The following FRK variants were observed in gnomAD, a reference collection of about 807,000 sequenced individuals.
The protein encoded by FRK is fyn related Src family tyrosine kinase, also known as tyrosine-protein kinase FRK.
FRK carries 51 observed loss-of-function variants against 56.4 expected under a neutral mutation model. The ratio of observed to expected loss-of-function variants is 0.90; its 90% confidence interval spans 0.72 to 1.14. The LOEUF is 1.14. Among genes scored for constraint, FRK ranks in the 50% most tolerant of loss-of-function variants. FRK has a pLI of 0.00. For missense variants in FRK, 570 were observed against 601.4 expected, an observed-to-expected ratio of 0.95 and a Z score of 0.55; for synonymous variants, 245 against 217.9, an observed-to-expected ratio of 1.12 and a Z score of -1.10.
chr6:116,062,615 G>A (rs1399602573), upstream of FRK, among the ~76,000 whole-genome samples: 1 of 152,120 alleles, frequency 6.6e-6, no homozygotes, highest in Admixed American at 6.5e-5. Flanking sequence ...AGGCATTCTG[G>A]AAAAAGACAA....
upstream of FRK, among the ~76,000 whole-genome samples, chr6:116,064,133 T>A (rs1011783353): frequency 2.0e-5 from 3 of 152,250 alleles, no homozygotes; most frequent in African/African-American, 7.2e-5. Context: ...ACACAGGTCC[T>A]GTGACATAGT....
At chr6:116,100,690 C>T in the FRK span, among the ~76,000 whole-genome samples, 1 of 152,140 alleles carries the variant, frequency 6.6e-6, no homozygotes, top group Admixed American at 6.5e-5. Context: ...ACCAGGAGGA[C>T]GCGAGCTGAC....
chr6:116,058,784 G>A (rs910738899), intron 1 of FRK, among the ~76,000 whole-genome samples: 20 of 152,058 alleles, frequency 1.3e-4, no homozygotes, highest in Admixed American at 7.9e-4. Flanking sequence ...GGTGGCAGGC[G>A]CCTGTAGTCC....
At chr6:116,041,548 C>T (rs1402774169) in intron 1 of FRK, among the ~76,000 whole-genome samples, 1 of 152,080 alleles carries the variant, frequency 6.6e-6, no homozygotes, top group Non-Finnish European at 1.5e-5. Context: ...AACTGAGGTA[C>T]CCGGATCATC....
At chr6:116,030,691 C>T (rs1429946276) in intron 1 of FRK, among the ~76,000 whole-genome samples, 1 of 152,132 alleles carries the variant, frequency 6.6e-6, no homozygotes, top group African/African-American at 2.4e-5. Flanking sequence ...CCATACCTCA[C>T]CCTGTGAATC....
chr6:115,968,702 T>C lies in FRK; in HGVS notation c.504A>G (p.Lys168=), dbSNP rs761100858. 1 of 1,613,870 alleles carries C rather than the reference T, an allele frequency of 6.2e-7. No homozygotes were observed. The highest frequency in any genetic ancestry group is 2.2e-5 in the East Asian group (1 of 44,872). The change falls in exon 3 of 8, where the codon AAA becomes AAG. Residue 168 remains lysine (K), a synonymous_variant. Coordinates refer to ENST00000606080, the MANE Select transcript of FRK (RefSeq NM_002031.3). The part of the protein sequence containing the change: ...DGAVVKHYRI[K]RLDEGGFFLT... ...GAAAAAATCCCCCTTCATCCAGTCT[T>C]TTAATTCTGTAGTGTTTTACAACTG...
chr6:115,989,451 A>G (rs560374949), intron 2 of FRK, among the ~76,000 whole-genome samples: 1 of 151,280 alleles, frequency 6.6e-6, no homozygotes, highest in South Asian at 2.1e-4. Flanking sequence ...TTCCCATCCT[A>G]CCCCTTTGTT....
intron 2 of FRK, among the ~76,000 whole-genome samples, chr6:115,996,451 G>C (rs1774844977): frequency 6.6e-6 from 1 of 151,988 alleles, no homozygotes; most frequent in Non-Finnish European, 1.5e-5. Flanking sequence ...AGACATAGAG[G>C]GTCATACTAA....
chr6:115,960,527 C>T (rs1215134342), intron 4 of FRK, among the ~76,000 whole-genome samples: 1 of 146,158 alleles, frequency 6.8e-6, no homozygotes, highest in Non-Finnish European at 1.5e-5. Flanking sequence ...GAAGCTCGAA[C>T]TGGGTGGAGC....
At chr6:116,084,917 G>A in the FRK span, among the ~76,000 whole-genome samples, 1 of 152,140 alleles carries the variant, frequency 6.6e-6, no homozygotes, top group Non-Finnish European at 1.5e-5. Flanking sequence ...TGGCAGTGAA[G>A]GACACAGTGA....
At chr6:115,944,111 A>G in intron 6 of FRK, 133 bp downstream of exon 6, 1 of 628,460 alleles carries the variant, frequency 1.6e-6, no homozygotes, top group Non-Finnish European at 2.6e-6. Context: ...AAGGCTTTGG[A>G]CTACTGAAGT....
chr6:115,993,941 T>C (rs1019305259), intron 2 of FRK, among the ~76,000 whole-genome samples: 1 of 152,040 alleles, frequency 6.6e-6, no homozygotes, highest in Non-Finnish European at 1.5e-5. Flanking sequence ...AGATTTCAAA[T>C]CAAATGATTT....
intron 2 of FRK, 67 bp from the exon 3 acceptor site, chr6:115,968,806 G>A (rs1436945210): frequency 2.9e-6 from 4 of 1,385,508 alleles, no homozygotes; most frequent in East Asian, 2.4e-5. Flanking sequence ...TTTACTTTGT[G>A]GTGACATTTT....
At chr6:116,044,626 C>A (rs1344416859) in intron 1 of FRK, among the ~76,000 whole-genome samples, 3 of 152,156 alleles carry the variant, frequency 2.0e-5, no homozygotes, top group African/African-American at 7.2e-5. Flanking sequence ...CAGCCAATAT[C>A]ATACTGAACG....
intron 1 of FRK, among the ~76,000 whole-genome samples, chr6:116,035,985 G>C (rs1024448930): frequency 1.3e-5 from 2 of 151,562 alleles, no homozygotes; most frequent in Non-Finnish European, 2.9e-5. Context: ...CTCTTCATCT[G>C]GCTCTCTTTC....
intron 2 of FRK, among the ~76,000 whole-genome samples, chr6:115,976,135 C>G (rs552789974): frequency 7.5e-4 from 114 of 152,216 alleles, no homozygotes; most frequent in Non-Finnish European, 1.3e-3. Context: ...AGAAGCCCAG[C>G]TTTCTTCTAA....
chr6:115,946,879 G>A (rs910891294), intron 5 of FRK, among the ~76,000 whole-genome samples: 1 of 152,098 alleles, frequency 6.6e-6, no homozygotes, highest in African/African-American at 2.4e-5. Flanking sequence ...GACATTTGTC[G>A]AATATAATAA....
the FRK span, among the ~76,000 whole-genome samples, chr6:116,075,699 T>C: frequency 6.6e-6 from 1 of 152,064 alleles, no homozygotes; most frequent in Non-Finnish European, 1.5e-5. Context: ...CACCCACAAT[T>C]AAGGAGTAAA....
intron 1 of FRK, chr6:116,038,856 C>A: frequency 3.7e-6 from 2 of 538,970 alleles, no homozygotes; most frequent in Non-Finnish European, 7.4e-6. Context: ...GCCAAGGTGC[C>A]GGCCAACACT....
Sources: allele counts gnomAD v4.1 joint callset (sites outside exome capture counted in the v4.1 genomes callset), GRCh38; gene constraint gnomAD v4.1.1; transcripts MANE v1.5; gene names NCBI Gene and HGNC (gene_info 2026-07-23, HGNC 2026-07-21).